PLCG2: variants seen among roughly 807,000 people sequenced by gnomAD.
PLCG2 encodes 1-phosphatidylinositol 4,5-bisphosphate phosphodiesterase gamma-2.
In PLCG2, 69 loss-of-function variants were observed where a neutral mutation model predicts 175.6. The ratio of observed to expected loss-of-function variants is 0.39; its 90% confidence interval spans 0.32 to 0.48. The LOEUF (loss-of-function observed/expected upper bound fraction) is 0.48, where lower values mean the gene tolerates loss of function less well. Ranked by LOEUF, PLCG2 falls within the 20% of genes least tolerant of loss-of-function variation. The pLI is 0.91. For synonymous variants in PLCG2, 827 were observed against 624.0 expected, an observed-to-expected ratio of 1.33 and a Z score of -4.85; for missense variants, 1,798 against 1,650.9, an observed-to-expected ratio of 1.09 and a Z score of -1.54.
At chr16:81,946,047 C>T in intron 30 of PLCG2, 128 bp from the exon 31 acceptor site, 1 of 723,014 alleles carries the variant, frequency 1.4e-6, no homozygotes. Flanking sequence ...CAAAGTCAGC[C>T]CCCAGCATGG....
At chr16:81,784,319 G>T (rs1034408364) in intron 1 of PLCG2, among the ~76,000 whole-genome samples, 2 of 152,232 alleles carry the variant, frequency 1.3e-5, no homozygotes, top group Admixed American at 1.3e-4. Flanking sequence ...TGCTAACTGA[G>T]ACCCTGGTAA....
chr16:81,946,416 A>G (rs748064898), intron 31 of PLCG2, among the ~76,000 whole-genome samples, 153 bp downstream of exon 31: 3 of 152,206 alleles, frequency 2.0e-5, no homozygotes, highest in East Asian at 1.9e-4. Flanking sequence ...CTTTTTGCTA[A>G]TTCCCCAGAG....
At chr16:81,904,642 G>C (rs1332066906) in intron 14 of PLCG2, among the ~76,000 whole-genome samples, 1 of 152,202 alleles carries the variant, frequency 6.6e-6, no homozygotes, top group Admixed American at 6.5e-5. Context: ...GAGAAGGCTG[G>C]GCACAGGTGG....
intron 2 of PLCG2, among the ~76,000 whole-genome samples, chr16:81,826,453 C>T (rs775856373): frequency 1.1e-4 from 17 of 152,202 alleles, no homozygotes; most frequent in Non-Finnish European, 2.2e-4. Flanking sequence ...TCAAAGTGCT[C>T]GACCTCGTGT....
chr16:81,813,203 TG>T (rs1221128474), intron 2 of PLCG2, among the ~76,000 whole-genome samples: 1 of 152,220 alleles, frequency 6.6e-6, no homozygotes, highest in African/African-American at 2.4e-5. Context: ...TCTAATTCTG[TG>T]AAGAAAGTCA....
At chr16:81,854,984 C>T (rs1906609127) in intron 3 of PLCG2, among the ~76,000 whole-genome samples, 1 of 151,934 alleles carries the variant, frequency 6.6e-6, no homozygotes, top group Non-Finnish European at 1.5e-5. Context: ...CTGAGGCGGG[C>T]AGATCACTTG....
intron 7 of PLCG2, among the ~76,000 whole-genome samples, chr16:81,876,253 G>A (rs563114771): frequency 6.6e-6 from 1 of 151,904 alleles, no homozygotes; most frequent in Non-Finnish European, 1.5e-5. Context: ...GAACTCCTGG[G>A]CTCAAGTGAT....
rs997454370 is a variant in PLCG2, at chr16:81,838,395, A to G, written c.194-16049A>G. ...AGCCGCCGTTGCCAGCCTGAAAGATATGAAATGTCTTTATTAAAATATAAC... is the reference window on the plus strand; with the variant it reads ...AGCCGCCGTTGCCAGCCTGAAAGATGTGAAATGTCTTTATTAAAATATAAC... On this transcript the variant is annotated intron_variant, in intron 2 of 32. Coordinates refer to ENST00000564138, the MANE Select transcript of PLCG2 (RefSeq NM_002661.5). Among the ~76,000 whole-genome samples, 15 of 152,200 alleles carry G rather than the reference A, an allele frequency of 9.9e-5. 1 individual carries two copies. Among genetic ancestry groups the G allele is most frequent in the African/African-American group, 3.4e-4 (14 of 41,454 alleles).
At chr16:81,951,150 T>TTG (rs71146056) in intron 31 of PLCG2, among the ~76,000 whole-genome samples, 9,047 of 151,698 alleles carry the variant, frequency 0.06, 456 homozygotes, top group East Asian at 0.18. Context: ...AATTTAAAAT[T>TTG]TGTGTGTGTG....
At chr16:81,795,909 C>T (rs1012427731) in intron 2 of PLCG2, among the ~76,000 whole-genome samples, 1 of 152,220 alleles carries the variant, frequency 6.6e-6, no homozygotes, top group Non-Finnish European at 1.5e-5. Flanking sequence ...TGACCAAGTG[C>T]AAGGGATGCT....
chr16:81,867,167 A>G (rs965484585), intron 5 of PLCG2, among the ~76,000 whole-genome samples: 5 of 152,212 alleles, frequency 3.3e-5, no homozygotes, highest in Non-Finnish European at 7.4e-5. Flanking sequence ...GACCGTCTCC[A>G]GGGCAGCGGC....
intron 21 of PLCG2, among the ~76,000 whole-genome samples, chr16:81,922,444 G>A (rs954249070): frequency 6.6e-6 from 1 of 152,194 alleles, no homozygotes; most frequent in African/African-American, 2.4e-5. Context: ...ATGCTTTAGC[G>A]ATACTATAGT....
intron 8 of PLCG2, among the ~76,000 whole-genome samples, chr16:81,881,183 A>AG (rs1272754173): frequency 2.0e-5 from 3 of 152,098 alleles, no homozygotes; most frequent in Non-Finnish European, 2.9e-5. Flanking sequence ...TTCTGTAGAA[A>AG]AGCCTGTGTG....
intron 2 of PLCG2, among the ~76,000 whole-genome samples, chr16:81,854,099 T>TC (rs1906559684): frequency 6.6e-6 from 1 of 151,950 alleles, no homozygotes; most frequent in Non-Finnish European, 1.5e-5. Flanking sequence ...GTCTCTTGTT[T>TC]TTTTTTGGTA....
At chr16:81,750,422 C>A (rs1394357634) in intron 1 of PLCG2, among the ~76,000 whole-genome samples, 852 of 109,916 alleles carry the variant, frequency 7.8e-3, no homozygotes, top group Middle Eastern at 9.5e-3. Flanking sequence ...GACTCTGTCT[C>A]AAAAAAAAAA....
chr16:81,740,453 T>A (rs1456340041), intron 1 of PLCG2: 1 of 151,954 alleles, frequency 6.6e-6, no homozygotes, highest in Non-Finnish European at 1.5e-5. Flanking sequence ...AAAGCTTCCT[T>A]TTCCCTGGCC....
intron 2 of PLCG2, among the ~76,000 whole-genome samples, chr16:81,788,539 C>T (rs1280759484): frequency 6.6e-6 from 1 of 152,130 alleles, no homozygotes; most frequent in Non-Finnish European, 1.5e-5. Flanking sequence ...TTTGGCAGCA[C>T]CCCACAAAAG....
rs1910823885 is a variant in PLCG2, at chr16:81,938,857, A to T, written c.3255A>T (p.Val1085=). Residue 1085 remains valine, a synonymous_variant, in exon 29 of 33, where the codon GTA becomes GTT. Transcript: ENST00000564138. ...KLGRSIACPF[V]EVEICGAEYD... Reference sequence around the variant, plus strand: ...GACGAAGTATTGCCTGTCCCTTTGTAGAAGTGGAGATCTGTGGAGCCGAGT... The same window carrying T: ...GACGAAGTATTGCCTGTCCCTTTGTTGAAGTGGAGATCTGTGGAGCCGAGT... The T allele has an allele frequency of 6.2e-7, 1 of 1,613,496 alleles. No individual in the cohort carries two copies. The highest frequency in any genetic ancestry group is 8.5e-7 in the Non-Finnish European group (1 of 1,179,816).
intron 26 of PLCG2, chr16:81,935,756 C>T: frequency 1.0e-6 from 1 of 985,350 alleles, no homozygotes; most frequent in African/African-American, 1.7e-5. Flanking sequence ...TACCTGTGGG[C>T]TTTGGCAGGT....
Sources: gnomAD v4.1 joint callset for allele counts (sites outside exome capture counted in the v4.1 genomes callset) on GRCh38, gnomAD v4.1.1 for gene constraint, MANE v1.5 for transcripts, NCBI Gene and HGNC (gene_info 2026-07-23, HGNC 2026-07-21) for gene names.